SERINC5: variants seen among roughly 807,000 people sequenced by gnomAD.
SERINC5 encodes serine incorporator 5.
Under a neutral mutation model 63.1 loss-of-function variants are expected in SERINC5, and 41 were observed. The ratio of observed to expected loss-of-function variants is 0.65; its 90% CI spans 0.51 to 0.84. SERINC5 has a LOEUF of 0.84. Ranked by LOEUF, SERINC5 falls within the 40% of genes least tolerant of loss-of-function variation. The probability of loss-of-function intolerance (pLI) is 0.00; values close to 1 mark genes in which losing one functional copy is unlikely to be tolerated. For synonymous variants in SERINC5, 222 were observed against 215.2 expected, an observed-to-expected ratio of 1.03 and a Z score of -0.28; for missense variants, 523 against 573.0, an observed-to-expected ratio of 0.91 and a Z score of 0.89.
Position 80,143,563 on chromosome 5 carries a change from A to T in SERINC5, c.*100T>A. ...TCTCTCTCAAAGCTTTTTCAGACCC[A>T]CTCAGGCACAGGGCGCCAGTCCCTG... is the stretch of plus-strand genomic sequence containing the variant. On this transcript the variant is annotated 3_prime_UTR_variant, in exon 12 of 12. Coordinates refer to ENST00000507668, the MANE Select transcript of SERINC5 (RefSeq NM_001174072.3). 2 of 1,390,140 alleles carry T rather than the reference A, an allele frequency of 1.4e-6. No homozygotes were observed. The highest frequency in any genetic ancestry group is 1.9e-6 in the Non-Finnish European group (2 of 1,072,446). The allele number at this position is 1,390,140 out of a possible 1,614,324, so 86.1% of individuals were successfully genotyped here. A position where few individuals can be genotyped will look rare whatever the true frequency, so the allele number is the denominator to read the frequency against.
At chr5:80,198,899 T>C (rs986281366) in intron 2 of SERINC5, among the ~76,000 whole-genome samples, 2 of 152,172 alleles carry the variant, frequency 1.3e-5, no homozygotes, top group Non-Finnish European at 2.9e-5. Flanking sequence ...TAGAAACATT[T>C]ACAAGAGCCT....
intron 2 of SERINC5, among the ~76,000 whole-genome samples, chr5:80,178,345 C>T (rs1209458595): frequency 5.8e-4 from 67 of 115,278 alleles, no homozygotes; most frequent in African/African-American, 2.2e-3. Context: ...TTTAACCGCC[C>T]CCACCCCCAC....
chr5:80,111,674 G>A (rs1215073411), exon 13 of SERINC5: 1 of 151,244 alleles, frequency 6.6e-6, no homozygotes, highest in African/African-American at 2.4e-5. Context: ...AAATGAAGGA[G>A]CCAAATGGAG....
At chr5:80,169,793 C>G (rs1180481192) in intron 5 of SERINC5, among the ~76,000 whole-genome samples, 1 of 152,132 alleles carries the variant, frequency 6.6e-6, no homozygotes, top group African/African-American at 2.4e-5. Context: ...TGAGAGAATT[C>G]CACTTTCTGC....
chr5:80,224,904 GTGAGCCA>G (rs1455070984), intron 1 of SERINC5, among the ~76,000 whole-genome samples: 1 of 149,530 alleles, frequency 6.7e-6, no homozygotes, highest in Admixed American at 6.7e-5. Flanking sequence ...AATTACAGGC[GTGAGCCA>G]TCACGCCCAG....
At chr5:80,251,290 G>GCATACATA (rs201874043) in intron 1 of SERINC5, among the ~76,000 whole-genome samples, 1,396 of 98,578 alleles carry the variant, frequency 0.014, 12 homozygotes, top group Non-Finnish European at 0.019. Context: ...ATACATACAT[G>GCATACATA]CATACATACA....
intron 11 of SERINC5, among the ~76,000 whole-genome samples, chr5:80,133,469 A>G (rs1281038069): frequency 1.3e-5 from 2 of 152,196 alleles, no homozygotes; most frequent in African/African-American, 4.8e-5. Context: ...TTTCATGCAG[A>G]GTGCTGAAAA....
intron 11 of SERINC5, chr5:80,116,150 C>T: frequency 2.7e-6 from 1 of 372,098 alleles, no homozygotes; most frequent in South Asian, 2.0e-5. Context: ...TGCCGTAGGC[C>T]TCTCTGGCAC....
chr5:80,128,096 T>C (rs748482245), intron 11 of SERINC5, among the ~76,000 whole-genome samples: 5 of 152,204 alleles, frequency 3.3e-5, no homozygotes, highest in Admixed American at 6.5e-5. Context: ...CAGAAAAATA[T>C]ACACAAAATA....
chr5:80,214,651 C>T (rs6873291), intron 1 of SERINC5, among the ~76,000 whole-genome samples: 28,191 of 151,974 alleles, frequency 0.19, 3,246 homozygotes, highest in African/African-American at 0.32. Context: ...AATCCCAGCA[C>T]TTTGGGAGGC....
At position 80,144,319 on chromosome 5, in the gene SERINC5, C is replaced by T. The variant is rs1448431802; in HGVS notation, c.1239-509G>A. Among the ~76,000 whole-genome samples the T allele has an allele frequency of 3.9e-5, 6 of 152,314 alleles. No individual in the cohort carries two copies. The East Asian group carries it at 9.6e-4, about 24-fold the overall frequency. On this transcript the variant is annotated intron_variant, in intron 11 of 11. Transcript: ENST00000507668. The stretch of plus-strand genomic sequence containing the variant: ...ACCAATGATGCTTGTATGAACACCG[C>T]TGTGTAAGTTTTGTGGACCTAGTTT...
chr5:80,158,816 GAGTAA>G lies in SERINC5; in HGVS notation c.986+15_986+19del. On this transcript the variant is annotated intron_variant, in intron 8 of 11. Coordinates refer to ENST00000507668, the MANE Select transcript of SERINC5 (RefSeq NM_001174072.3). ...TTTTAAAGTCTGCAAAAGTGACCTT[GAGTAA>G]CTCCCAAGACTTACCATGAATACAA... is the stretch of plus-strand genomic sequence containing the variant. 1.2e-6 allele frequency: 2 copies of G among 1,606,080 alleles called. No individual in the cohort carries two copies. Among genetic ancestry groups the G allele is most frequent in the Non-Finnish European group, 1.7e-6 (2 of 1,177,368 alleles).
At chr5:80,113,890 T>C (rs1744230385) in intron 11 of SERINC5, among the ~76,000 whole-genome samples, 2 of 151,918 alleles carry the variant, frequency 1.3e-5, no homozygotes, top group South Asian at 4.1e-4. Flanking sequence ...ACCTCTGCCA[T>C]GCTGTGTGCC....
chr5:80,175,375 T>C (rs915580586), intron 4 of SERINC5, among the ~76,000 whole-genome samples: 1 of 152,164 alleles, frequency 6.6e-6, no homozygotes, highest in Non-Finnish European at 1.5e-5. Flanking sequence ...AAATCCATAA[T>C]GACCCACAAC....
chr5:80,242,380 G>T (rs978388786), intron 1 of SERINC5, among the ~76,000 whole-genome samples: 3 of 152,174 alleles, frequency 2.0e-5, no homozygotes, highest in Non-Finnish European at 4.4e-5. Context: ...CACTTTGGGA[G>T]GCCAAGGTGG....
At chr5:80,241,339 C>T (rs558649238) in intron 1 of SERINC5, among the ~76,000 whole-genome samples, 3 of 152,058 alleles carry the variant, frequency 2.0e-5, no homozygotes, top group East Asian at 1.9e-4. Context: ...CATGGTGGCA[C>T]GTGCCTGTAA....
intron 1 of SERINC5, among the ~76,000 whole-genome samples, chr5:80,205,315 G>A (rs1750097454): frequency 6.6e-6 from 1 of 152,148 alleles, no homozygotes; most frequent in Admixed American, 6.5e-5. Context: ...TCTTGGTCGT[G>A]AGACAACGGA....
At chr5:80,147,181 T>A (rs1745877762) in intron 10 of SERINC5, 64 bp downstream of exon 10, 1 of 1,438,354 alleles carries the variant, frequency 7.0e-7, no homozygotes, top group East Asian at 2.4e-5. Flanking sequence ...CCCAAATGAC[T>A]ACAGATTAGA....
rs916675728 is a variant in SERINC5 at position 80,233,092 on chromosome 5, G to T, written c.27+22804C>A. Among the ~76,000 whole-genome samples the T allele has an allele frequency of 2.0e-5, 3 of 152,116 alleles. No individual in the cohort carries two copies. The South Asian group carries it at 6.2e-4, about 32-fold the overall frequency. On this transcript the variant is annotated intron_variant, in intron 1 of 11. Transcript: ENST00000507668. ...CTGAATTGCACACTTTAAATGACTG[G>T]GCTGTATATGCTATGTGAAACTACT...
Sources: allele counts gnomAD v4.1 joint callset (sites outside exome capture counted in the v4.1 genomes callset), GRCh38; gene constraint gnomAD v4.1.1; transcripts MANE v1.5; gene names NCBI Gene and HGNC (gene_info 2026-07-23, HGNC 2026-07-21).